FCGR2B: variants seen among roughly 807,000 people sequenced by gnomAD.
The protein encoded by FCGR2B is Fc gamma receptor IIb, also known as low affinity immunoglobulin gamma Fc region receptor II-b.
Under a neutral mutation model 24.8 loss-of-function variants are expected in FCGR2B, and 18 were observed. The observed-to-expected ratio is 0.73, with a 90% CI of 0.50 to 1.08. The LOEUF is 1.08. Among genes scored for constraint, FCGR2B ranks in the 50% least tolerant of loss-of-function variants. The pLI, the probability that FCGR2B is intolerant of heterozygous loss-of-function variation, is 0.00. For synonymous variants in FCGR2B, 79 were observed against 109.8 expected, an observed-to-expected ratio of 0.72 and a Z score of 1.75; for missense variants, 215 against 297.6, an observed-to-expected ratio of 0.72 and a Z score of 2.04.
intron 3 of FCGR2B, 127 bp downstream of exon 3, chr1:161,671,776 G>A (rs2102662466): frequency 1.3e-5 from 20 of 1,522,394 alleles, no homozygotes; most frequent in Non-Finnish European, 1.8e-5. Context: ...AGTTGCCTCA[G>A]CACATATCAG....
chr1:161,648,431 G>C, the FCGR2B span, among the ~76,000 whole-genome samples: 1 of 148,170 alleles, frequency 6.7e-6, no homozygotes. Context: ...TGGGTATACA[G>C]TGATATTGTG....
At chr1:161,651,824 T>C in the FCGR2B span, among the ~76,000 whole-genome samples, 3 of 124,758 alleles carry the variant, frequency 2.4e-5, no homozygotes, top group Admixed American at 9.2e-5. Context: ...TCCCAGCTAA[T>C]TGGGAGGGTG....
upstream of FCGR2B, among the ~76,000 whole-genome samples, chr1:161,661,319 G>C (rs1361461991): frequency 2.2e-5 from 3 of 137,064 alleles, no homozygotes; most frequent in Non-Finnish European, 4.7e-5. Flanking sequence ...AACTCCACAG[G>C]TTACTCGTTT....
At chr1:161,649,571 C>T in the FCGR2B span, among the ~76,000 whole-genome samples, 8,005 of 150,240 alleles carry the variant, frequency 0.053, 437 homozygotes, top group Non-Finnish European at 0.077. Context: ...TGAATTGGAA[C>T]GGAGCAAGAC....
chr1:161,671,706 C>T lies in FCGR2B; in HGVS notation c.391+57C>T, dbSNP rs553428411. 23 of 1,606,676 alleles carry T rather than the reference C, an allele frequency of 1.4e-5. No homozygotes were observed. The South Asian group carries it at 2.4e-4, about 17-fold the overall frequency. On this transcript the variant is annotated intron_variant, in intron 3 of 7. Coordinates refer to ENST00000358671, the MANE Select transcript of FCGR2B (RefSeq NM_001394477.1). ...GGAGGGCCAGGACGGATGAAATCTG[C>T]TTTCAGGCAGAGGTTTGCAGGAAAG...
At chr1:161,661,244 A>AAGAAAGAAAGAAAGAC (rs1557895191), upstream of FCGR2B, among the ~76,000 whole-genome samples, 35 of 57,652 alleles carry the variant, frequency 6.1e-4, no homozygotes, top group African/African-American at 1.9e-3. Flanking sequence ...GAAAGAAAGA[A>AAGAAAGAAAGAAAGAC]AGAAAGAAAG....
In FCGR2B at chr1:161,671,384, C is replaced by T; in HGVS notation, c.134-8C>T. Reference sequence around the variant, plus strand: ...TTCTTCATGCTACCTCCTCTCTCTGCCCCTCAGCAGCTCCCCCAAAGGCTG... The same window carrying T: ...TTCTTCATGCTACCTCCTCTCTCTGTCCCTCAGCAGCTCCCCCAAAGGCTG... On this transcript the variant is annotated splice_polypyrimidine_tract_variant and splice_region_variant and intron_variant, in intron 2 of 7. Coordinates refer to ENST00000358671, the MANE Select transcript of FCGR2B (RefSeq NM_001394477.1). The T allele has an allele frequency of 6.2e-7, 1 of 1,614,164 alleles. No homozygotes were observed. The highest frequency in any genetic ancestry group is 2.2e-5 in the East Asian group (1 of 44,890).
At chr1:161,661,624 G>A (rs949737725), upstream of FCGR2B, among the ~76,000 whole-genome samples, 8 of 67,036 alleles carry the variant, frequency 1.2e-4, no homozygotes, top group Non-Finnish European at 2.2e-4. Flanking sequence ...TGGTTTTACA[G>A]TAAGAATTCA....
At chr1:161,653,858 G>C in the FCGR2B span, among the ~76,000 whole-genome samples, 1 of 126,214 alleles carries the variant, frequency 7.9e-6, no homozygotes, top group African/African-American at 2.6e-5. Flanking sequence ...GAGTCTTCGA[G>C]GTATTTTTCA....
At chr1:161,653,063 G>A in the FCGR2B span, among the ~76,000 whole-genome samples, 17 of 133,806 alleles carry the variant, frequency 1.3e-4, 1 homozygote, top group East Asian at 2.4e-3. Flanking sequence ...GTAGGGCAGA[G>A]GTTTATCTGT....
chr1:161,647,297 C>CTTTTTTTTTTTTTTTTTT, the FCGR2B span, among the ~76,000 whole-genome samples: 6 of 122,540 alleles, frequency 4.9e-5, no homozygotes, highest in African/African-American at 2.0e-4. Context: ...GCTCTGGACT[C>CTTTTTTTTTTTTTTTTTT]TTTTTTTTTT....
At chr1:161,671,358 C>T in intron 2 of FCGR2B, 34 bp from the exon 3 acceptor site, 1 of 1,613,938 alleles carries the variant, frequency 6.2e-7, no homozygotes, top group Non-Finnish European at 8.5e-7. Context: ...TGGGCTTCCT[C>T]TTCTTCATGC....
chr1:161,652,262 A>G, the FCGR2B span, among the ~76,000 whole-genome samples: 1 of 133,366 alleles, frequency 7.5e-6, no homozygotes, highest in Admixed American at 8.3e-5. Context: ...ATTGTCCCAC[A>G]GTTCTTGGGT....
the FCGR2B span, among the ~76,000 whole-genome samples, chr1:161,654,724 C>T: frequency 7.3e-6 from 1 of 136,134 alleles, no homozygotes; most frequent in East Asian, 2.0e-4. Context: ...GCCTTCCTTC[C>T]ACGCTGTCTT....
chr1:161,661,512 C>T (rs1189311787), upstream of FCGR2B, among the ~76,000 whole-genome samples: 1 of 100,890 alleles, frequency 9.9e-6, no homozygotes, highest in African/African-American at 4.3e-5. Context: ...AAGTCACAGA[C>T]CACATACTGT....
Position 161,677,823 on chromosome 1 carries a change from A to T in FCGR2B, c.*270A>T, listed in dbSNP as rs1682274174. On this transcript the variant is annotated 3_prime_UTR_variant, in exon 8 of 8. Transcript: ENST00000358671. ...CACATCCACACAGCCAATCCAATTA[A>T]TCAAACCACTGTTATTAACAGATAA... 2.2e-6 allele frequency: 1 copy of T among 453,286 alleles called. No homozygotes were observed. The highest frequency in any genetic ancestry group is 3.9e-6 in the Non-Finnish European group (1 of 256,680). 28.1% of individuals were successfully genotyped at this position (453,286 alleles called of 1,614,324 possible).
chr1:161,648,612 C>G, the FCGR2B span, among the ~76,000 whole-genome samples: 1 of 151,034 alleles, frequency 6.6e-6, no homozygotes. Flanking sequence ...TTAGATATGT[C>G]TTTTGTCAAA....
chr1:161,671,482 A>G lies in FCGR2B; in HGVS notation c.224A>G (p.His75Arg), dbSNP rs1369710186. ...DSVTLTCRGT[H>R]SPESDSIQWF... ...GTGACTCTGACATGCCGGGGGACTC[A>G]CAGCCCTGAGAGCGACTCCATTCAG... The change falls in exon 3 of 8, where the codon CAC (histidine) becomes CGC (arginine). Residue 75 changes from histidine (H) to arginine (R), a missense_variant. Coordinates refer to ENST00000358671, the MANE Select transcript of FCGR2B (RefSeq NM_001394477.1). 5.0e-6 allele frequency: 8 copies of G among 1,614,166 alleles called. No homozygotes were observed. The highest frequency in any genetic ancestry group is 2.2e-5 in the East Asian group (1 of 44,874).
At chr1:161,647,928 C>T in the FCGR2B span, among the ~76,000 whole-genome samples, 5 of 151,050 alleles carry the variant, frequency 3.3e-5, no homozygotes, top group South Asian at 2.1e-4. Flanking sequence ...GTCAGCGACT[C>T]GTAGACGACC....
Sources: gnomAD v4.1 joint callset for allele counts (sites outside exome capture counted in the v4.1 genomes callset) on GRCh38, gnomAD v4.1.1 for gene constraint, MANE v1.5 for transcripts, NCBI Gene and HGNC (gene_info 2026-07-23, HGNC 2026-07-21) for gene names.